RGCC: variants seen among roughly 807,000 people sequenced by gnomAD.
RGCC encodes the protein regulator of cell cycle RGCC.
RGCC carries 15 observed loss-of-function variants against 15.4 expected under a neutral mutation model. The ratio of observed to expected loss-of-function variants is 0.97; its 90% CI spans 0.65 to 1.50. The LOEUF is 1.50. Ranked by LOEUF, RGCC falls within the 40% of genes most tolerant of loss-of-function variation. RGCC has a pLI of 0.00. For synonymous variants in RGCC, 81 were observed against 78.0 expected (o/e 1.04, Z -0.20); for missense variants, 176 against 189.7 (o/e 0.93, Z 0.42).
Position 41,457,771 on chromosome 13 carries a change from C to CG in RGCC, c.49+19dup. 7.2e-7 allele frequency: 1 copy of CG among 1,380,864 alleles called. No homozygotes were observed. Among genetic ancestry groups the CG allele is most frequent in the Non-Finnish European group, 9.3e-7 (1 of 1,071,644 alleles). The allele number at this position is 1,380,864 out of a possible 1,614,324, so 85.5% of individuals were successfully genotyped here. A position where few individuals can be genotyped will look rare whatever the true frequency, so the allele number is the denominator to read the frequency against. ...CGCGGCCGCAGGTGAGTGCGGGGTC[C>CG]GGGGTCCCCTTAAAGTCTCGGCTCT... On this transcript the variant is annotated intron_variant, in intron 1 of 4. Coordinates refer to ENST00000379359, the MANE Select transcript of RGCC (RefSeq NM_014059.3). This position sits in a 1 kb window ranked among gnomAD's most constrained non-coding sequence, Gnocchi z 4.9.
intron 2 of RGCC, among the ~76,000 whole-genome samples, chr13:41,461,201 A>C (rs936617638): frequency 1.3e-5 from 2 of 152,176 alleles, no homozygotes; most frequent in African/African-American, 4.8e-5. Flanking sequence ...TGGTTGATCA[A>C]AATAGTGTTG....
intron 2 of RGCC, among the ~76,000 whole-genome samples, chr13:41,460,829 A>C (rs2043817876): frequency 6.6e-6 from 1 of 152,250 alleles, no homozygotes; most frequent in Non-Finnish European, 1.5e-5. Context: ...GTCTCGCATG[A>C]AAATATTTTG....
chr13:41,458,173 A>G lies in RGCC; in HGVS notation c.50-112A>G. ...CGACTGCGTGGCTGTCACTTGGCAG[A>G]GGCGCCAAGTGTCAGTTATCTTCGG... On this transcript the variant is annotated intron_variant, in intron 1 of 4. Transcript: ENST00000379359. This position sits in a 1 kb window ranked among gnomAD's most constrained non-coding sequence, Gnocchi z 4.4. 1 of 865,310 alleles carries G rather than the reference A, an allele frequency of 1.2e-6. No individual in the cohort carries two copies. The highest frequency in any genetic ancestry group is 1.7e-6 in the Non-Finnish European group (1 of 577,720). The allele number at this position is 865,310 out of a possible 1,614,324, so 53.6% of individuals were successfully genotyped here.
rs982824593 is a variant in RGCC, at chr13:41,457,612, G to A, written c.-96G>A. 2.3e-4 allele frequency: 346 copies of A among 1,477,488 alleles called. 1 individual carries two copies. Among genetic ancestry groups the A allele is most frequent in the Non-Finnish European group, 3.0e-4 (333 of 1,116,744 alleles). 91.5% of individuals were successfully genotyped at this position (1,477,488 alleles called of 1,614,324 possible). Reference sequence around the variant, plus strand: ...GAGCGCAGCGCCGAAGGGACTGGCAGGGCTGAAGTGTGCGGGACAGCAAGC... The same window carrying A: ...GAGCGCAGCGCCGAAGGGACTGGCAAGGCTGAAGTGTGCGGGACAGCAAGC... On this transcript the variant is annotated 5_prime_UTR_variant, in exon 1 of 5. Coordinates refer to ENST00000379359, the MANE Select transcript of RGCC (RefSeq NM_014059.3). This position sits in a 1 kb window ranked among gnomAD's most constrained non-coding sequence, Gnocchi z 4.9.
In RGCC at chr13:41,458,975, T is replaced by A. The variant is rs2043807961; in HGVS notation, c.235+505T>A. Among the ~76,000 whole-genome samples, 1 of 152,186 alleles carries A rather than the reference T, an allele frequency of 6.6e-6. No homozygotes were observed. Among genetic ancestry groups the A allele is most frequent in the Non-Finnish European group, 1.5e-5 (1 of 68,034 alleles). On this transcript the variant is annotated intron_variant, in intron 2 of 4. Transcript: ENST00000379359. This position sits in a 1 kb window ranked among gnomAD's most constrained non-coding sequence, Gnocchi z 4.4. ...TGCATTGTCTTCTGGCCCTTAGCTC[T>A]CAGACTTGTTGCTCCATTGCATGCA...
chr13:41,460,880 A>C (rs1555296196), intron 2 of RGCC, among the ~76,000 whole-genome samples: 2 of 152,160 alleles, frequency 1.3e-5, no homozygotes, highest in Admixed American at 6.5e-5. Flanking sequence ...TTTTTGCTCT[A>C]GTTTTTACAG....
chr13:41,462,828 A>G lies in RGCC; in HGVS notation c.236-3995A>G, dbSNP rs115954617. 8.6e-3 allele frequency among the ~76,000 whole-genome samples: 1,316 copies of G among 152,310 alleles called. 12 individuals are homozygous for G. The highest frequency in any genetic ancestry group is 0.029 in the African/African-American group (1,211 of 41,566). On this transcript the variant is annotated intron_variant, in intron 2 of 4. Coordinates refer to ENST00000379359, the MANE Select transcript of RGCC (RefSeq NM_014059.3). The stretch of plus-strand genomic sequence containing the variant: ...CATTGTATGTTCTTAATAAAACTCT[A>G]TGGAAAGAAATTTTATTGGTTAAGG...
At chr13:41,465,534 G>C (rs2043842705) in intron 2 of RGCC, among the ~76,000 whole-genome samples, 1 of 120,912 alleles carries the variant, frequency 8.3e-6, no homozygotes, top group Non-Finnish European at 1.9e-5. Flanking sequence ...CTATTGATAA[G>C]TAAGCTAGGC....
At chr13:41,466,962 G>A (rs1411007993) in intron 3 of RGCC, 32 bp downstream of exon 3, 2 of 1,435,202 alleles carry the variant, frequency 1.4e-6, no homozygotes, top group African/African-American at 2.8e-5. Flanking sequence ...TGAGTTTTTT[G>A]CTTTTTTATT....
rs1376272774 is a variant in RGCC at position 41,458,521 on chromosome 13, C to G, written c.235+51C>G. 1 of 1,527,294 alleles carries G rather than the reference C, an allele frequency of 6.5e-7. No individual in the cohort carries two copies. Among genetic ancestry groups the G allele is most frequent in the Middle Eastern group, 1.8e-4 (1 of 5,550 alleles). The allele number at this position is 1,527,294 out of a possible 1,614,324, so 94.6% of individuals were successfully genotyped here. A position where few individuals can be genotyped will look rare whatever the true frequency, so the allele number is the denominator to read the frequency against. ...CGCCGGGATCTCCCAGCTCCCAGGA[C>G]CTGCCCCGCGAAGGCTGCGGCCTCA... On this transcript the variant is annotated intron_variant, in intron 2 of 4. Transcript: ENST00000379359. This position sits in a 1 kb window ranked among gnomAD's most constrained non-coding sequence, Gnocchi z 4.4.
intron 2 of RGCC, among the ~76,000 whole-genome samples, chr13:41,460,686 C>A (rs1324459106): frequency 6.6e-6 from 1 of 152,130 alleles, no homozygotes; most frequent in African/African-American, 2.4e-5. Flanking sequence ...GATTTAGTTT[C>A]TCTAGCTGTG....
At chr13:41,461,457 G>A (rs1333557) in intron 2 of RGCC, among the ~76,000 whole-genome samples, 147,672 of 152,322 alleles carry the variant, frequency 0.97, 71,759 homozygotes, top group East Asian at 1. Flanking sequence ...GTGTTAAATG[G>A]AATTTTAACT....
At chr13:41,466,265 GCACA>G (rs199682174) in intron 2 of RGCC, among the ~76,000 whole-genome samples, 7 of 148,616 alleles carry the variant, frequency 4.7e-5, no homozygotes, top group African/African-American at 1.5e-4. Flanking sequence ...ACACACTCAT[GCACA>G]CACACACACT....
At chr13:41,466,183 ACACACACT>A (rs935744132) in intron 2 of RGCC, among the ~76,000 whole-genome samples, 2 of 46,420 alleles carry the variant, frequency 4.3e-5, no homozygotes, top group Non-Finnish European at 1.5e-4. Context: ...ACTTTCTCAC[ACACACACT>A]CACACACACT....
At chr13:41,466,772 C>CTA in intron 2 of RGCC, 51 bp from the exon 3 acceptor site, 2 of 1,263,398 alleles carry the variant, frequency 1.6e-6, no homozygotes, top group Non-Finnish European at 2.3e-6. Flanking sequence ...AGTGCTAAGT[C>CTA]TATAATCTCA....
At chr13:41,462,185 C>T (rs970277776) in intron 2 of RGCC, among the ~76,000 whole-genome samples, 2 of 152,066 alleles carry the variant, frequency 1.3e-5, no homozygotes, top group Non-Finnish European at 2.9e-5. Context: ...CGTGTGGGAT[C>T]GTTCTATATT....
chr13:41,458,314 G>T lies in RGCC; in HGVS notation c.79G>T (p.Asp27Tyr). ...GGCCCTGGACTCGGCGGCCGCGGAG[G>T]ACCTGTCGGACGCGCTGTGCGAGTT... is the stretch of plus-strand genomic sequence containing the variant. The part of the protein sequence containing the change: ...APALDSAAAE[D>Y]LSDALCEFDA... The change falls in exon 2 of 5, where the codon GAC becomes TAC. Residue 27 changes from aspartate (D) to tyrosine (Y), a missense_variant. Transcript: ENST00000379359. This position sits in a 1 kb window ranked among gnomAD's most constrained non-coding sequence, Gnocchi z 4.4. The T allele has an allele frequency of 6.3e-7, 1 of 1,583,308 alleles. No individual in the cohort carries two copies. Among genetic ancestry groups the T allele is most frequent in the Non-Finnish European group, 8.5e-7 (1 of 1,171,808 alleles).
rs1202294830 is a variant in RGCC at position 41,457,894 on chromosome 13, G to T, written c.49+138G>T. ...GGGAACCTGTCCCCGGTCTTCCCGCGCGGGCGGCTGCAGCCTCCTTTCCGG... is the reference window on the plus strand; with the variant it reads ...GGGAACCTGTCCCCGGTCTTCCCGCTCGGGCGGCTGCAGCCTCCTTTCCGG... On this transcript the variant is annotated intron_variant, in intron 1 of 4. Transcript: ENST00000379359. This position sits in a 1 kb window ranked among gnomAD's most constrained non-coding sequence, Gnocchi z 4.9. The T allele has an allele frequency of 1.2e-5, 15 of 1,264,020 alleles. No homozygotes were observed. The East Asian group carries it at 4.7e-4, about 40-fold the overall frequency. 78.3% of individuals were successfully genotyped at this position (1,264,020 alleles called of 1,614,324 possible).
intron 4 of RGCC, among the ~76,000 whole-genome samples, chr13:41,470,007 G>A (rs990718114): frequency 6.6e-5 from 10 of 152,092 alleles, no homozygotes; most frequent in African/African-American, 2.4e-4. Context: ...CCAGGGTAAG[G>A]GTTGATTTTC....
Sources: gnomAD v4.1 joint callset for allele counts (sites outside exome capture counted in the v4.1 genomes callset) on GRCh38, gnomAD v4.1.1 for gene constraint, Gnocchi (gnomAD v3.1) non-coding constraint, MANE v1.5 for transcripts, NCBI Gene and HGNC (gene_info 2026-07-23, HGNC 2026-07-21) for gene names.